Variants in NRG3 observed in about 807,000 individuals in gnomAD.
NRG3 encodes neuregulin 3.
NRG3 carries 31 observed loss-of-function variants against 66.9 expected under a neutral mutation model. The observed-to-expected ratio is 0.46, with a 90% CI of 0.35 to 0.63. The LOEUF (loss-of-function observed/expected upper bound fraction) is 0.63, where lower values mean the gene tolerates loss of function less well. Among genes scored for constraint, NRG3 ranks in the 20% least tolerant of loss-of-function variants. The pLI, the probability that NRG3 is intolerant of heterozygous loss-of-function variation, is 0.00. For missense variants in NRG3, 910 were observed against 878.9 expected, an observed-to-expected ratio of 1.04 and a Z score of -0.45; for synonymous variants, 393 against 359.4, an observed-to-expected ratio of 1.09 and a Z score of -1.06.
intron 1 of NRG3, among the ~76,000 whole-genome samples, chr10:82,339,092 A>G (rs2082542192): frequency 6.6e-6 from 1 of 152,216 alleles, no homozygotes; most frequent in African/African-American, 2.4e-5. Flanking sequence ...GATTTGGAGA[A>G]CAATGTAATT....
intron 1 of NRG3, among the ~76,000 whole-genome samples, chr10:82,314,525 T>G (rs1190595491): frequency 1.3e-5 from 2 of 151,980 alleles, no homozygotes; most frequent in Non-Finnish European, 2.9e-5. Context: ...AATAAATAAA[T>G]AGGCCAGGCA....
At chr10:82,054,216 G>A (rs1473713772) in intron 1 of NRG3, among the ~76,000 whole-genome samples, 2 of 152,138 alleles carry the variant, frequency 1.3e-5, no homozygotes, top group African/African-American at 2.4e-5. Flanking sequence ...AGACTGTGGT[G>A]CAGTAAGGCA....
rs1853334987 is a variant in NRG3 at position 82,985,217 on chromosome 10, C to T, written c.1703C>T (p.Ser568Phe). 1 of 1,614,032 alleles carries T rather than the reference C, an allele frequency of 6.2e-7. No individual in the cohort carries two copies. The highest frequency in any genetic ancestry group is 1.3e-5 in the African/African-American group (1 of 74,928). ...LEQKDLVGYSSTRASSVPIIP... is the reference protein window; with the variant it reads ...LEQKDLVGYSFTRASSVPIIP... ...CAAAAGGACCTGGTGGGCTATTCAT[C>T]CACAAGGGCCAGTTCTGTGCCCATC... The change falls in exon 9 of 9, where the codon TCC (serine) becomes TTC (phenylalanine). Residue 568 changes from serine (S) to phenylalanine (F), a missense_variant. Coordinates refer to ENST00000372141, the MANE Select transcript of NRG3 (RefSeq NM_001010848.4).
At chr10:82,343,971 A>G (rs572162039) in intron 1 of NRG3, among the ~76,000 whole-genome samples, 1 of 152,262 alleles carries the variant, frequency 6.6e-6, no homozygotes, top group Non-Finnish European at 1.5e-5. Flanking sequence ...ACATCCATAC[A>G]TACTTTCCAG....
At chr10:82,415,337 C>T (rs537526255) in intron 2 of NRG3, among the ~76,000 whole-genome samples, 2 of 152,230 alleles carry the variant, frequency 1.3e-5, no homozygotes, top group East Asian at 1.9e-4. Flanking sequence ...AAGGGCTTTC[C>T]TGTTAGGTTT....
intron 1 of NRG3, among the ~76,000 whole-genome samples, chr10:82,047,394 C>G (rs1305630229): frequency 6.6e-6 from 1 of 152,172 alleles, no homozygotes; most frequent in East Asian, 1.9e-4. Context: ...AGACTAACAG[C>G]GGATCTCTAG....
At chr10:82,446,638 G>A (rs1564930769) in intron 2 of NRG3, among the ~76,000 whole-genome samples, 1 of 152,148 alleles carries the variant, frequency 6.6e-6, no homozygotes, top group Non-Finnish European at 1.5e-5. Flanking sequence ...CCTGTCACGG[G>A]GAGGGAGTAC....
intron 2 of NRG3, among the ~76,000 whole-genome samples, chr10:82,619,632 C>A (rs1403112665): frequency 6.6e-6 from 1 of 152,160 alleles, no homozygotes; most frequent in Non-Finnish European, 1.5e-5. Context: ...AAGTCCTAAT[C>A]TCCAGTGCAT....
chr10:82,341,824 G>A (rs2082704126), intron 1 of NRG3, among the ~76,000 whole-genome samples: 1 of 151,798 alleles, frequency 6.6e-6, no homozygotes, highest in Non-Finnish European at 1.5e-5. Flanking sequence ...CCTTTGTTTA[G>A]CTCCTGGTTA....
chr10:82,022,340 C>T (rs1005597739), intron 1 of NRG3, among the ~76,000 whole-genome samples: 2 of 151,990 alleles, frequency 1.3e-5, no homozygotes, highest in African/African-American at 4.8e-5. Flanking sequence ...TAAGCAAATC[C>T]ACCACTGGGA....
intron 2 of NRG3, among the ~76,000 whole-genome samples, chr10:82,402,080 T>A (rs2087143833): frequency 6.6e-6 from 1 of 152,092 alleles, no homozygotes; most frequent in African/African-American, 2.4e-5. Context: ...TATGTTGACA[T>A]TTTCTAAGAA....
chr10:82,282,935 C>CAGTGTT, intron 1 of NRG3, among the ~76,000 whole-genome samples: 1 of 151,974 alleles, frequency 6.6e-6, no homozygotes, highest in Non-Finnish European at 1.5e-5. Flanking sequence ...CGATCCTGGC[C>CAGTGTT]CCGGTGTTTA....
rs1554831187 is a variant in NRG3, at chr10:82,132,487, T to TATC, written c.824-226250_824-226249insCAT. 2.9e-4 allele frequency among the ~76,000 whole-genome samples: 27 copies of TATC among 92,816 alleles called. 1 individual carries two copies. The highest frequency in any genetic ancestry group is 4.1e-4 in the Admixed American group (3 of 7,304). The allele number at this position is 92,816 out of a possible 152,430, so 60.9% of individuals were successfully genotyped here. A position where few individuals can be genotyped will look rare whatever the true frequency, so the allele number is the denominator to read the frequency against. On this transcript the variant is annotated intron_variant, in intron 1 of 8. Coordinates refer to ENST00000372141, the MANE Select transcript of NRG3 (RefSeq NM_001010848.4). Reference sequence around the variant, plus strand: ...ATATATGATATATATATGATATATATATATGATATATATATATCATATATA... The same window carrying TATC: ...ATATATGATATATATATGATATATATATCATATGATATATATATATCATATATA...
At chr10:82,074,391 T>C (rs1323900627) in intron 1 of NRG3, among the ~76,000 whole-genome samples, 2 of 152,204 alleles carry the variant, frequency 1.3e-5, no homozygotes, top group Non-Finnish European at 2.9e-5. Flanking sequence ...ACTCTAAGAA[T>C]GATCAGAACT....
chr10:82,092,628 A>G lies in NRG3; in HGVS notation c.823+216465A>G, dbSNP rs114861631. Among the ~76,000 whole-genome samples, 333 of 152,284 alleles carry G rather than the reference A, an allele frequency of 2.2e-3. 1 individual carries two copies. The highest frequency in any genetic ancestry group is 7.6e-3 in the African/African-American group (316 of 41,562). ...ATGGGTCTCTTGTATTTCTGTTTCT[A>G]TAGCAGGAGAAGCACTATGAAATTT... is the stretch of plus-strand genomic sequence containing the variant. On this transcript the variant is annotated intron_variant, in intron 1 of 8. Coordinates refer to ENST00000372141, the MANE Select transcript of NRG3 (RefSeq NM_001010848.4).
chr10:81,989,586 G>A (rs955700500), intron 1 of NRG3, among the ~76,000 whole-genome samples: 1 of 152,092 alleles, frequency 6.6e-6, no homozygotes, highest in African/African-American at 2.4e-5. Context: ...ATATTTTTAT[G>A]GTTCATTTAT....
chr10:82,052,271 AC>A (rs2063635449), intron 1 of NRG3, among the ~76,000 whole-genome samples: 1 of 152,160 alleles, frequency 6.6e-6, no homozygotes, highest in African/African-American at 2.4e-5. Flanking sequence ...AACTTCATTA[AC>A]ATCAACTTCA....
At chr10:82,028,746 C>T (rs545082533) in intron 1 of NRG3, among the ~76,000 whole-genome samples, 1 of 152,156 alleles carries the variant, frequency 6.6e-6, no homozygotes. Flanking sequence ...AAAAGGATGC[C>T]TCAGTTCCTG....
chr10:82,572,643 T>A (rs1340134282), intron 2 of NRG3, among the ~76,000 whole-genome samples: 1 of 151,736 alleles, frequency 6.6e-6, no homozygotes, highest in African/African-American at 2.4e-5. Flanking sequence ...CTTTTATTTT[T>A]TATTTTTGGC....
Sources: gnomAD v4.1 joint callset for allele counts (sites outside exome capture counted in the v4.1 genomes callset) on GRCh38, gnomAD v4.1.1 for gene constraint, MANE v1.5 for transcripts, NCBI Gene and HGNC (gene_info 2026-07-23, HGNC 2026-07-21) for gene names.